Variants in COXFA4 observed in about 807,000 individuals in gnomAD.
COXFA4 encodes cytochrome c oxidase subunit FA4.
chr7:10,934,859 G>A, the COXFA4 span, among the ~76,000 whole-genome samples: 2 of 152,088 alleles, frequency 1.3e-5, no homozygotes, highest in South Asian at 2.1e-4. Flanking sequence ...TTCTGACAGT[G>A]TTCTTTTAAG....
chr7:10,938,653 A>C, the COXFA4 span: 1 of 617,444 alleles, frequency 1.6e-6, no homozygotes, highest in Non-Finnish European at 2.9e-6. Flanking sequence ...AACCAAAAAA[A>C]GTAAATGAAA....
chr7:10,935,606 G>A, the COXFA4 span, among the ~76,000 whole-genome samples: 1 of 152,196 alleles, frequency 6.6e-6, no homozygotes, highest in Non-Finnish European at 1.5e-5. Context: ...GGTCATGAGG[G>A]TGGAACACTC....
chr7:10,939,045 A>G, the COXFA4 span: 1 of 620,408 alleles, frequency 1.6e-6, no homozygotes, highest in Non-Finnish European at 2.9e-6. Flanking sequence ...TAGATCTTAC[A>G]TTGAGGTAAG....
the COXFA4 span, among the ~76,000 whole-genome samples, chr7:10,937,443 C>T: frequency 5.3e-3 from 809 of 152,032 alleles, 7 homozygotes; most frequent in African/African-American, 0.019. Flanking sequence ...CTACCATGCC[C>T]AGCTAATTTT....
chr7:10,932,894 C>T, the COXFA4 span: 823 of 151,092 alleles, frequency 5.4e-3, 11 homozygotes, highest in Non-Finnish European at 4.8e-3. Flanking sequence ...CACTTAAGCC[C>T]GGGAGGTAGA....
chr7:10,939,664 G>A, the COXFA4 span: 3 of 355,858 alleles, frequency 8.4e-6, no homozygotes, highest in South Asian at 5.3e-5. Flanking sequence ...TAGGGAACCT[G>A]ACCTATGCTA....
the COXFA4 span, chr7:10,932,385 G>A: frequency 1.3e-5 from 2 of 152,170 alleles, no homozygotes; most frequent in African/African-American, 2.4e-5. Flanking sequence ...CTACATGGGT[G>A]TAAATATCCA....
At chr7:10,934,227 C>G in the COXFA4 span, among the ~76,000 whole-genome samples, 1 of 151,972 alleles carries the variant, frequency 6.6e-6, no homozygotes, top group South Asian at 2.1e-4. Context: ...CACTAATTTC[C>G]TAATCCAGAC....
chr7:10,936,841 G>T, the COXFA4 span, among the ~76,000 whole-genome samples: 1 of 152,110 alleles, frequency 6.6e-6, no homozygotes, highest in Non-Finnish European at 1.5e-5. Flanking sequence ...TTCAAGACCA[G>T]CCTGGCCAAC....
At chr7:10,934,492 G>A in the COXFA4 span, among the ~76,000 whole-genome samples, 65 of 151,702 alleles carry the variant, frequency 4.3e-4, no homozygotes, top group African/African-American at 1.5e-3. Context: ...GCCCAAATAA[G>A]GCTAAAATCT....
chr7:10,938,988 A>G, the COXFA4 span: 1 of 968,538 alleles, frequency 1.0e-6, no homozygotes, highest in Non-Finnish European at 1.7e-6. Flanking sequence ...TTGATTTCCA[A>G]GTCTCAAACT....
the COXFA4 span, chr7:10,931,948 A>C: frequency 6.6e-6 from 1 of 152,198 alleles, no homozygotes; most frequent in South Asian, 2.1e-4. Flanking sequence ...CGTTATTACT[A>C]ATTTCTTAAT....
the COXFA4 span, chr7:10,940,122 A>T: frequency 6.6e-7 from 1 of 1,515,120 alleles, no homozygotes; most frequent in East Asian, 2.3e-5. Flanking sequence ...CCTAAGCTAA[A>T]AATTATCTGC....
At chr7:10,936,771 T>C in the COXFA4 span, among the ~76,000 whole-genome samples, 5 of 152,158 alleles carry the variant, frequency 3.3e-5, no homozygotes, top group African/African-American at 9.7e-5. Flanking sequence ...GCACAGTGGC[T>C]CACGTCTGTA....
At chr7:10,939,996 G>T in the COXFA4 span, 1 of 1,613,746 alleles carries the variant, frequency 6.2e-7, no homozygotes, top group Non-Finnish European at 8.5e-7. Context: ...AAAACATTAG[G>T]AGAGCGGTCA....
chr7:10,938,960 T>G, the COXFA4 span: 6 of 1,227,394 alleles, frequency 4.9e-6, no homozygotes, highest in Non-Finnish European at 7.2e-6. Context: ...AACGAGAGAT[T>G]ACAGTAGTTT....
chr7:10,935,658 T>C, the COXFA4 span, among the ~76,000 whole-genome samples: 187 of 152,242 alleles, frequency 1.2e-3, no homozygotes, highest in African/African-American at 4.3e-3. Context: ...TCTCCTTCCA[T>C]ATTGTGAGGA....
At chr7:10,937,157 C>T in the COXFA4 span, among the ~76,000 whole-genome samples, 1 of 152,136 alleles carries the variant, frequency 6.6e-6, no homozygotes, top group Admixed American at 6.5e-5. Flanking sequence ...AATCAAACAG[C>T]CAGTTACTCT....
chr7:10,933,880 T>C, the COXFA4 span, among the ~76,000 whole-genome samples: 3 of 152,240 alleles, frequency 2.0e-5, no homozygotes, highest in South Asian at 6.2e-4. Context: ...TCAATGATAG[T>C]TTTGGCAAGG....
Sources: allele counts gnomAD v4.1 joint callset (sites outside exome capture counted in the v4.1 genomes callset), GRCh38; gene constraint gnomAD v4.1.1; transcripts MANE v1.5; gene names NCBI Gene and HGNC (gene_info 2026-07-23, HGNC 2026-07-21).